Variants in ZEB2 observed in about 807,000 individuals in gnomAD.
ZEB2 encodes the protein zinc finger E-box-binding homeobox 2.
Under a neutral mutation model 99.9 loss-of-function variants are expected in ZEB2, and 6 were observed. The ratio of observed to expected loss-of-function variants is 0.06; its 90% CI spans 0.03 to 0.12. ZEB2 has a LOEUF of 0.12. Among genes scored for constraint, ZEB2 ranks in the 10% least tolerant of loss-of-function variants. The pLI is 1.00. For synonymous variants in ZEB2, 517 were observed against 542.5 expected (o/e 0.95, Z 0.65); for missense variants, 969 against 1,502.8 (o/e 0.64, Z 5.87).
chr2:144,433,444 A>T (rs538740041), intron 2 of ZEB2, among the ~76,000 whole-genome samples: 1 of 152,308 alleles, frequency 6.6e-6, no homozygotes, highest in African/African-American at 2.4e-5. Context: ...CTATTTGCAT[A>T]TGAAGGGCAT....
chr2:144,513,618 G>A, intron 2 of ZEB2: 1 of 1,531,644 alleles, frequency 6.5e-7, no homozygotes, highest in Non-Finnish European at 8.7e-7. Flanking sequence ...GTGGCGGGAT[G>A]GGGAGGCAGA....
intron 2 of ZEB2, chr2:144,511,874 A>G: frequency 7.8e-7 from 1 of 1,287,194 alleles, no homozygotes; most frequent in South Asian, 1.2e-5. Flanking sequence ...ATTTTTTTCA[A>G]CCTTCACATC....
chr2:144,424,534 T>C (rs1228969686), intron 4 of ZEB2: 5 of 636,306 alleles, frequency 7.9e-6, no homozygotes, highest in South Asian at 3.1e-5. Context: ...ACCCAACTCA[T>C]GCACTGAAAG....
chr2:144,503,252 G>T (rs1704899957), intron 2 of ZEB2, among the ~76,000 whole-genome samples: 1 of 152,182 alleles, frequency 6.6e-6, no homozygotes, highest in East Asian at 1.9e-4. Flanking sequence ...AAGTTGGTAT[G>T]TAGTATTTGA....
intron 2 of ZEB2, chr2:144,512,106 G>T (rs910043217): frequency 7.8e-7 from 1 of 1,287,056 alleles, no homozygotes. Context: ...GGACACCCCA[G>T]CACCATTGAC....
At chr2:144,404,432 T>G in intron 5 of ZEB2, among the ~76,000 whole-genome samples, 1 of 151,590 alleles carries the variant, frequency 6.6e-6, no homozygotes, top group African/African-American at 2.4e-5. Context: ...TGACTGACAG[T>G]TCCTATGAAA....
chr2:144,403,051 G>A lies in ZEB2; in HGVS notation c.807+865C>T, dbSNP rs137937806. On this transcript the variant is annotated intron_variant, in intron 6 of 9. Coordinates refer to ENST00000627532, the MANE Select transcript of ZEB2 (RefSeq NM_014795.4). ...GTCAAGACTTAAATTAAGTGATTCC[G>A]GATCTGTAGGGCCAGTTATTGTGAC... Among the ~76,000 whole-genome samples, 272 of 152,226 alleles carry A rather than the reference G, an allele frequency of 1.8e-3. 3 individuals are homozygous for A. Among genetic ancestry groups the A allele is most frequent in the African/African-American group, 6.4e-3 (265 of 41,522 alleles).
intron 2 of ZEB2, among the ~76,000 whole-genome samples, chr2:144,459,474 G>T (rs1364395369): frequency 1.3e-5 from 2 of 152,096 alleles, no homozygotes; most frequent in African/African-American, 4.8e-5. Flanking sequence ...TCACTTGCAG[G>T]TCTGTAATGA....
intron 8 of ZEB2, among the ~76,000 whole-genome samples, chr2:144,397,127 T>C (rs1272067128): frequency 1.3e-5 from 2 of 152,222 alleles, no homozygotes; most frequent in African/African-American, 2.4e-5. Context: ...TTAATAACAC[T>C]TTTTATCAAT....
intron 4 of ZEB2, among the ~76,000 whole-genome samples, chr2:144,423,286 T>C (rs1185787151): frequency 6.6e-6 from 1 of 152,238 alleles, no homozygotes; most frequent in Non-Finnish European, 1.5e-5. Context: ...CTTTTATTTA[T>C]GCTGGAGGCT....
chr2:144,404,238 T>TGTGGAGCAGATTGCA, intron 5 of ZEB2, 108 bp from the exon 6 acceptor site: 4 of 1,259,292 alleles, frequency 3.2e-6, no homozygotes, highest in Non-Finnish European at 4.5e-6. Context: ...CACTGCAATC[T>TGTGGAGCAGATTGCA]GCTCCACAGA....
intron 9 of ZEB2, among the ~76,000 whole-genome samples, chr2:144,393,493 T>C (rs1254614804): frequency 1.3e-5 from 2 of 152,182 alleles, no homozygotes; most frequent in African/African-American, 4.8e-5. Context: ...AATCAGTCAG[T>C]CCCAAGACAG....
intron 2 of ZEB2, chr2:144,516,001 G>A (rs926874057): frequency 1.3e-5 from 2 of 152,206 alleles, no homozygotes; most frequent in Admixed American, 6.5e-5. Context: ...CGGTCCCCGC[G>A]AGGCGCGGGC....
rs549658388 is a variant in ZEB2, at chr2:144,414,422, G to T, written c.404-9398C>A. On this transcript the variant is annotated intron_variant, in intron 4 of 9. Coordinates refer to ENST00000627532, the MANE Select transcript of ZEB2 (RefSeq NM_014795.4). ...CCCTTCTCAGTGCTGGGCCCTGTGC[G>T]ACTGTGCAGGTCCCAGACCCAGGAA... Among the ~76,000 whole-genome samples, 14 of 152,230 alleles carry T rather than the reference G, an allele frequency of 9.2e-5. No individual in the cohort carries two copies. In the South Asian group the frequency reaches 1.2e-3, roughly 14 times the overall value.
At chr2:144,418,143 G>A (rs899670737) in intron 4 of ZEB2, among the ~76,000 whole-genome samples, 12 of 152,102 alleles carry the variant, frequency 7.9e-5, no homozygotes, top group Non-Finnish European at 1.5e-4. Flanking sequence ...GATATAAAAC[G>A]AAACTAGTTC....
chr2:144,494,721 A>G (rs1232048488), intron 2 of ZEB2: 2 of 152,184 alleles, frequency 1.3e-5, no homozygotes, highest in African/African-American at 4.8e-5. Flanking sequence ...TCTTTAGAGC[A>G]CTGTCATTTT....
At chr2:144,397,016 C>A (rs1388640494) in intron 8 of ZEB2, among the ~76,000 whole-genome samples, 2 of 152,120 alleles carry the variant, frequency 1.3e-5, no homozygotes, top group Non-Finnish European at 2.9e-5. Context: ...TATTTAGGTA[C>A]AAAATGTTAT....
chr2:144,512,316 C>T, intron 2 of ZEB2: 3 of 1,287,198 alleles, frequency 2.3e-6, no homozygotes, highest in Non-Finnish European at 3.0e-6. Flanking sequence ...ATGCAGATGA[C>T]AAAAACTGTT....
At chr2:144,424,929 G>A (rs1703671980) in intron 3 of ZEB2, 62 bp from the exon 4 acceptor site, 3 of 1,524,662 alleles carry the variant, frequency 2.0e-6, no homozygotes, top group African/African-American at 1.4e-5. Context: ...TACTAAGCAT[G>A]CCAAGCACAG....
Sources: allele counts gnomAD v4.1 joint callset (sites outside exome capture counted in the v4.1 genomes callset), GRCh38; gene constraint gnomAD v4.1.1; transcripts MANE v1.5; gene names NCBI Gene and HGNC (gene_info 2026-07-23, HGNC 2026-07-21).